Variants in CDYL observed in about 807,000 individuals in gnomAD.
CDYL encodes chromodomain Y like.
A neutral mutation model predicts 47.3 loss-of-function variants in CDYL; 8 were observed. The observed-to-expected ratio is 0.17, with a 90% CI of 0.10 to 0.31. The LOEUF is 0.31. Among genes scored for constraint, CDYL ranks in the 10% least tolerant of loss-of-function variants. The pLI is 1.00. For synonymous variants in CDYL, 266 were observed against 265.0 expected (o/e 1.00, Z -0.04); for missense variants, 471 against 701.4 (o/e 0.67, Z 3.71).
At chr6:4,922,616 G>C (rs1757749988) in intron 2 of CDYL, among the ~76,000 whole-genome samples, 1 of 152,196 alleles carries the variant, frequency 6.6e-6, no homozygotes, top group Non-Finnish European at 1.5e-5. Context: ...GCTCCCTGCT[G>C]GTTGCCAGAT....
At chr6:4,746,791 G>C (rs1757906520) in intron 3 of CDYL, among the ~76,000 whole-genome samples, 1 of 152,090 alleles carries the variant, frequency 6.6e-6, no homozygotes, top group Non-Finnish European at 1.5e-5. Context: ...TGGGAGCCAG[G>C]GGAAGGATGA....
intron 1 of CDYL, among the ~76,000 whole-genome samples, chr6:4,865,583 T>C (rs1253556746): frequency 6.6e-6 from 1 of 152,164 alleles, no homozygotes; most frequent in East Asian, 1.9e-4. Context: ...TAGAATGAAA[T>C]GGTCAAAATA....
At chr6:4,932,291 C>A (rs1452566317) in intron 2 of CDYL, among the ~76,000 whole-genome samples, 3 of 152,222 alleles carry the variant, frequency 2.0e-5, no homozygotes, top group African/African-American at 7.2e-5. Flanking sequence ...TCAGGGTCTG[C>A]TGAGGGCTCA....
chr6:4,846,652 G>C (rs1760668499), intron 1 of CDYL, among the ~76,000 whole-genome samples: 1 of 152,100 alleles, frequency 6.6e-6, no homozygotes, highest in Admixed American at 6.5e-5. Flanking sequence ...TCTGTTCGCT[G>C]TATGTGTGTC....
At chr6:4,745,108 G>A (rs771039463) in intron 3 of CDYL, among the ~76,000 whole-genome samples, 7 of 152,116 alleles carry the variant, frequency 4.6e-5, no homozygotes, top group African/African-American at 7.2e-5. Context: ...AGTACTACAG[G>A]CAGGTGCCAC....
At chr6:4,748,656 G>GACACACACAC (rs111349102) in intron 3 of CDYL, among the ~76,000 whole-genome samples, 11,203 of 146,010 alleles carry the variant, frequency 0.077, 463 homozygotes, top group Admixed American at 0.088. Context: ...TGATGGCAAA[G>GACACACACAC]ACACACACAC....
chr6:4,924,226 C>G (rs997045918), intron 2 of CDYL, among the ~76,000 whole-genome samples: 20 of 152,160 alleles, frequency 1.3e-4, no homozygotes, highest in African/African-American at 4.8e-4. Context: ...GCTTTTGGCA[C>G]TTAATTTTTT....
intron 2 of CDYL, among the ~76,000 whole-genome samples, chr6:4,717,712 A>C: frequency 8.9e-6 from 1 of 111,932 alleles, no homozygotes; most frequent in Non-Finnish European, 1.8e-5. Flanking sequence ...ACAAAAAAAA[A>C]AAAAAAAAAA....
chr6:4,738,762 C>T (rs1757745938), intron 3 of CDYL, among the ~76,000 whole-genome samples: 1 of 152,224 alleles, frequency 6.6e-6, no homozygotes. Context: ...TTGGAACTAG[C>T]TCAAACGTCT....
chr6:4,857,546 AG>A (rs1761046088), intron 1 of CDYL, among the ~76,000 whole-genome samples: 1 of 152,126 alleles, frequency 6.6e-6, no homozygotes, highest in African/African-American at 2.4e-5. Context: ...GTAGCTTTGT[AG>A]GCCTTTGAAG....
intron 1 of CDYL, among the ~76,000 whole-genome samples, chr6:4,887,385 C>T (rs371895441): frequency 6.6e-6 from 1 of 152,078 alleles, no homozygotes; most frequent in African/African-American, 2.4e-5. Flanking sequence ...TTTATAGTTT[C>T]CACTTTATAA....
At chr6:4,944,683 A>G (rs73352349) in intron 5 of CDYL, among the ~76,000 whole-genome samples, 1 of 152,202 alleles carries the variant, frequency 6.6e-6, no homozygotes, top group Non-Finnish European at 1.5e-5. Context: ...GAGGAAGAAG[A>G]TTAGGCAGCA....
At chr6:4,838,041 G>T (rs79761864) in intron 1 of CDYL, among the ~76,000 whole-genome samples, 5,060 of 151,834 alleles carry the variant, frequency 0.033, 287 homozygotes, top group African/African-American at 0.11. Flanking sequence ...TCCTTCAAAA[G>T]TGCTGAGATT....
chr6:4,799,730 C>T (rs75606384), intron 1 of CDYL, among the ~76,000 whole-genome samples: 2,120 of 152,266 alleles, frequency 0.014, 50 homozygotes, highest in African/African-American at 0.05. Flanking sequence ...TGAGCCATTG[C>T]GCCCAGCCAA....
At chr6:4,953,446 ATT>A (rs1262817103) in intron 6 of CDYL, among the ~76,000 whole-genome samples, 1 of 152,126 alleles carries the variant, frequency 6.6e-6, no homozygotes, top group Non-Finnish European at 1.5e-5. Context: ...CATTTGGCAA[ATT>A]ATAGGATGTG....
chr6:4,935,936 G>T (rs1758178672), intron 3 of CDYL, among the ~76,000 whole-genome samples, 165 bp downstream of exon 3: 1 of 152,172 alleles, frequency 6.6e-6, no homozygotes, highest in Admixed American at 6.5e-5. Context: ...TGCGGGCTTT[G>T]CTCCATGTCC....
intron 1 of CDYL, among the ~76,000 whole-genome samples, chr6:4,835,811 G>A (rs373497084): frequency 2.4e-4 from 37 of 152,274 alleles, no homozygotes; most frequent in East Asian, 1.2e-3. Flanking sequence ...CCTCGTTGCC[G>A]CCTTGCAGTT....
chr6:4,775,643 C>G (rs1758417745), upstream of CDYL, among the ~76,000 whole-genome samples: 1 of 150,814 alleles, frequency 6.6e-6, no homozygotes, highest in Non-Finnish European at 1.5e-5. This position sits in a 1 kb window ranked among gnomAD's most constrained non-coding sequence, Gnocchi z 7.0. Flanking sequence ...CGCCCTCCGC[C>G]GCGCCCGGCT....
chr6:4,753,875 A>G (rs1202939848), intron 3 of CDYL, among the ~76,000 whole-genome samples: 1 of 152,212 alleles, frequency 6.6e-6, no homozygotes, highest in African/African-American at 2.4e-5. Flanking sequence ...CTTGGGGCCA[A>G]ATTTGTTTAT....
Sources: allele counts gnomAD v4.1 joint callset (sites outside exome capture counted in the v4.1 genomes callset), GRCh38; gene constraint gnomAD v4.1.1; non-coding constraint Gnocchi (gnomAD v3.1); transcripts MANE v1.5; gene names NCBI Gene and HGNC (gene_info 2026-07-23, HGNC 2026-07-21).